SCN3A: variants seen among roughly 807,000 people sequenced by gnomAD.
SCN3A encodes sodium channel protein type 3 subunit alpha.
Under a neutral mutation model 187.6 loss-of-function variants are expected in SCN3A, and 60 were observed. The ratio of observed to expected loss-of-function variants is 0.32; its 90% CI spans 0.26 to 0.40. The LOEUF (loss-of-function observed/expected upper bound fraction) is 0.40. Ranked by LOEUF, SCN3A falls within the 10% of genes least tolerant of loss-of-function variation. The pLI, the probability that SCN3A is intolerant of heterozygous loss-of-function variation, is 1.00. For missense variants in SCN3A, 1,601 were observed against 2,428.2 expected (o/e 0.66, Z 7.16); for synonymous variants, 788 against 829.2 (o/e 0.95, Z 0.85).
At position 165,176,224 on chromosome 2, in the gene SCN3A, A is replaced by G. The variant is rs111389453; in HGVS notation, c.171T>C (p.Ala57=). 784 of 1,614,136 alleles carry G rather than the reference A, an allele frequency of 4.9e-4. 4 individuals carry two copies. The African/African-American group carries it at 9.0e-3, about 19-fold the overall frequency. The change falls in exon 3 of 28, where the codon GCT becomes GCC. Residue 57 remains alanine (A), a synonymous_variant. Transcript: ENST00000283254. ...CATAAATAAATGGAAGGTTCTTTCC[A>G]GCTTCCAAGTCACTATTTGGCTTTG... ...NKPKPNSDLE[A]GKNLPFIYGD... is the part of the protein sequence containing the mutation.
At chr2:165,130,534 A>G (rs1177706006) in intron 16 of SCN3A, 2 of 522,984 alleles carry the variant, frequency 3.8e-6, no homozygotes, top group Non-Finnish European at 6.7e-6. Context: ...TAATAAATAA[A>G]ACATTTCTGA....
At chr2:165,185,506 A>C (rs1328960467) in intron 2 of SCN3A, among the ~76,000 whole-genome samples, 1 of 152,168 alleles carries the variant, frequency 6.6e-6, no homozygotes, top group African/African-American at 2.4e-5. Context: ...TGTCCTCTGG[A>C]CCCTTTTCTA....
At chr2:165,201,181 T>A (rs1000611915) in intron 1 of SCN3A, among the ~76,000 whole-genome samples, 1 of 152,076 alleles carries the variant, frequency 6.6e-6, no homozygotes, top group Non-Finnish European at 1.5e-5. Context: ...TGATAACATA[T>A]TGGGCATAAA....
intron 21 of SCN3A, among the ~76,000 whole-genome samples, chr2:165,107,970 C>T (rs1319089328): frequency 2.6e-5 from 4 of 152,126 alleles, no homozygotes; most frequent in Non-Finnish European, 5.9e-5. Context: ...TTATTAGTTC[C>T]GTTAACATGG....
chr2:165,103,840 A>G lies in SCN3A; in HGVS notation c.3844-3416T>C, dbSNP rs993835346. 3.3e-5 allele frequency among the ~76,000 whole-genome samples: 5 copies of G among 152,314 alleles called. No individual in the cohort carries two copies. In the South Asian group the frequency reaches 1.0e-3, roughly 32 times the overall value. ...TCACCTCCATACATTCTGATGATAT[A>G]TTTCAATCTAAAAGCTTGTATAATT... is the stretch of plus-strand genomic sequence containing the variant. On this transcript the variant is annotated intron_variant, in intron 21 of 27. Coordinates refer to ENST00000283254, the MANE Select transcript of SCN3A (RefSeq NM_006922.4).
intron 3 of SCN3A, among the ~76,000 whole-genome samples, chr2:165,172,734 C>T (rs1690181218): frequency 6.6e-6 from 1 of 152,154 alleles, no homozygotes; most frequent in African/African-American, 2.4e-5. Flanking sequence ...GCTCCTCCTG[C>T]AAGATTAGCC....
At position 165,146,884 on chromosome 2, in the gene SCN3A, C is replaced by T; in HGVS notation, c.1526G>A (p.Arg509Lys). The T allele has an allele frequency of 6.8e-6, 11 of 1,614,054 alleles. No individual in the cohort carries two copies. Among genetic ancestry groups the T allele is most frequent in the Non-Finnish European group, 8.5e-6 (10 of 1,179,968 alleles). The change falls in exon 12 of 28, where the codon AGA becomes AAA. Residue 509 changes from arginine (R) to lysine (K), a missense_variant. Transcript: ENST00000283254. ...TTTGTTGTTTCCTTCAAGGTGCTCTCTCTGTCTTCTTTTCTTCCTTCGGTT... is the reference window on the plus strand; with the variant it reads ...TTTGTTGTTTCCTTCAAGGTGCTCTTTCTGTCTTCTTTTCTTCCTTCGGTT... The part of the protein sequence containing the change: ...WRNRRKKRRQ[R>K]EHLEGNNKGE...
At chr2:165,183,662 GAC>G (rs1691031411) in intron 2 of SCN3A, among the ~76,000 whole-genome samples, 3 of 152,272 alleles carry the variant, frequency 2.0e-5, no homozygotes, top group East Asian at 3.9e-4. Flanking sequence ...CAGAACAGCA[GAC>G]AGTTTGGCAA....
chr2:165,131,989 T>A (rs1338681902), intron 15 of SCN3A, among the ~76,000 whole-genome samples: 2 of 151,950 alleles, frequency 1.3e-5, no homozygotes, highest in African/African-American at 4.8e-5. Flanking sequence ...ATTTTCTTAA[T>A]CCAGTCTATC....
At chr2:165,149,054 A>G (rs1166636154) in intron 11 of SCN3A, among the ~76,000 whole-genome samples, 1 of 152,200 alleles carries the variant, frequency 6.6e-6, no homozygotes, top group Non-Finnish European at 1.5e-5. Flanking sequence ...TTTTATATAG[A>G]CACAAACACA....
At chr2:165,100,555 A>G (rs1685556149) in intron 21 of SCN3A, 131 bp from the exon 22 acceptor site, 2 of 837,758 alleles carry the variant, frequency 2.4e-6, no homozygotes, top group Non-Finnish European at 3.8e-6. Context: ...CATCTTCCAC[A>G]TAGTGGGGTC....
chr2:165,154,680 T>G (rs778859595), intron 10 of SCN3A, 22 bp from the exon 11 acceptor site: 8 of 1,592,624 alleles, frequency 5.0e-6, no homozygotes, highest in Non-Finnish European at 6.0e-6. Flanking sequence ...GGGGGATAAT[T>G]CCATCAGTAT....
intron 7 of SCN3A, among the ~76,000 whole-genome samples, chr2:165,163,088 A>G (rs1296768131): frequency 6.6e-6 from 1 of 152,214 alleles, no homozygotes; most frequent in Non-Finnish European, 1.5e-5. Context: ...CTGAACAAAC[A>G]TACAAAAAAA....
chr2:165,188,804 CA>C (rs763003775), intron 1 of SCN3A, among the ~76,000 whole-genome samples: 3,719 of 72,566 alleles, frequency 0.051, 76 homozygotes, highest in African/African-American at 0.11. Flanking sequence ...CGCCCCACTT[CA>C]AAAAAAAAAA....
intron 1 of SCN3A, among the ~76,000 whole-genome samples, chr2:165,188,234 C>T (rs1691361492): frequency 6.6e-6 from 1 of 152,014 alleles, no homozygotes; most frequent in African/African-American, 2.4e-5. Context: ...TACTGATTTA[C>T]AGATTGGAGA....
Position 165,092,504 on chromosome 2 carries a change from G to C in SCN3A, c.4557C>G (p.Val1519=), listed in dbSNP as rs1206276913. 1 of 1,613,352 alleles carries C rather than the reference G, an allele frequency of 6.2e-7. No homozygotes were observed. Among genetic ancestry groups the C allele is most frequent in the East Asian group, 2.2e-5 (1 of 44,862 alleles). Residue 1519 remains valine (V), a synonymous_variant, in exon 27 of 28, where the codon GTC becomes GTG. Transcript: ENST00000283254. This position sits in a 1 kb window ranked among gnomAD's most constrained non-coding sequence, Gnocchi z 4.2. The part of the protein sequence containing the change: ...PRPANKFQGM[V]FDFVTRQVFD... ...AGACTTGTCTGGTTACAAAATCAAA[G>C]ACCATTCCTTGGAATTTGTTCTAGA... is the stretch of plus-strand genomic sequence containing the variant.
chr2:165,145,581 T>C (rs1381453418), intron 12 of SCN3A, among the ~76,000 whole-genome samples: 1 of 152,078 alleles, frequency 6.6e-6, no homozygotes, highest in Non-Finnish European at 1.5e-5. Flanking sequence ...TTTGTTTACA[T>C]ATTAAAGATA....
chr2:165,131,473 C>T (rs909876072), intron 15 of SCN3A, 56 bp from the exon 16 acceptor site: 526 of 1,237,938 alleles, frequency 4.2e-4, no homozygotes, highest in Non-Finnish European at 5.5e-4. Context: ...TGATGCTACA[C>T]GAATTTATAA....
At chr2:165,127,580 A>G (rs1044308120) in intron 18 of SCN3A, 51 bp downstream of exon 18, 9 of 1,353,646 alleles carry the variant, frequency 6.6e-6, no homozygotes, top group Middle Eastern at 2.2e-4. Flanking sequence ...AAATAACTGT[A>G]GTACATGGTT....
Sources: gnomAD v4.1 joint callset for allele counts (sites outside exome capture counted in the v4.1 genomes callset) on GRCh38, gnomAD v4.1.1 for gene constraint, Gnocchi (gnomAD v3.1) non-coding constraint, MANE v1.5 for transcripts, NCBI Gene and HGNC (gene_info 2026-07-23, HGNC 2026-07-21) for gene names.